Variants in TRAK1 observed in about 807,000 individuals in gnomAD.
The protein encoded by TRAK1 is trafficking kinesin protein 1.
TRAK1 carries 33 observed loss-of-function variants against 92.1 expected under a neutral mutation model. The observed-to-expected ratio is 0.36, with a 90% CI of 0.27 to 0.48. The LOEUF is 0.48. Among genes scored for constraint, TRAK1 ranks in the 20% least tolerant of loss-of-function variants. TRAK1 has a pLI of 0.99. For missense variants in TRAK1, 1,123 were observed against 1,257.9 expected (o/e 0.89, Z 1.62); for synonymous variants, 521 against 517.3 (o/e 1.01, Z -0.10).
At chr3:42,178,179 T>C (rs952318642) in intron 3 of TRAK1, among the ~76,000 whole-genome samples, 11 of 81,698 alleles carry the variant, frequency 1.3e-4, no homozygotes, top group Admixed American at 2.9e-4. Context: ...TCTGTACCTT[T>C]ATTTTTATTC....
chr3:42,206,689 C>G (rs1708370275), intron 13 of TRAK1, among the ~76,000 whole-genome samples: 1 of 152,230 alleles, frequency 6.6e-6, no homozygotes, highest in Non-Finnish European at 1.5e-5. Flanking sequence ...GGTGTTCTTA[C>G]ATCCCAAGGC....
intron 2 of TRAK1, among the ~76,000 whole-genome samples, chr3:42,157,092 C>T (rs1700620730): frequency 6.6e-6 from 1 of 151,028 alleles, no homozygotes; most frequent in South Asian, 2.1e-4. Flanking sequence ...GCGGAGGTTG[C>T]AGCAAGCAGA....
chr3:42,191,712 T>A, intron 7 of TRAK1, 76 bp downstream of exon 7: 2 of 1,484,610 alleles, frequency 1.3e-6, no homozygotes, highest in Non-Finnish European at 1.8e-6. Context: ...TCAGCCTTGC[T>A]AAAGTGCAGT....
chr3:42,104,378 G>A (rs1264464639), intron 1 of TRAK1, among the ~76,000 whole-genome samples: 1 of 152,220 alleles, frequency 6.6e-6, no homozygotes, highest in Non-Finnish European at 1.5e-5. Flanking sequence ...TGAAATCTGA[G>A]AATGGACAGA....
intron 1 of TRAK1, among the ~76,000 whole-genome samples, chr3:42,031,329 G>A (rs926921053): frequency 2.6e-5 from 4 of 151,750 alleles, no homozygotes; most frequent in African/African-American, 9.7e-5. Flanking sequence ...GAGCCACCGT[G>A]CCTGGCCTTG....
chr3:42,210,003 C>G lies in TRAK1; in HGVS notation c.1963+18C>G. ...GACCTCAGGTGAGAGGTCCCAAGCA[C>G]GTGTGACTGTCTCAGGCAGCAGAAG... On this transcript the variant is annotated intron_variant, in intron 14 of 15. Transcript: ENST00000327628. The G allele has an allele frequency of 6.2e-7, 1 of 1,614,162 alleles. No individual in the cohort carries two copies. The highest frequency in any genetic ancestry group is 8.5e-7 in the Non-Finnish European group (1 of 1,180,036).
intron 1 of TRAK1, among the ~76,000 whole-genome samples, chr3:42,100,172 T>C (rs374030659): frequency 6.6e-6 from 1 of 152,148 alleles, no homozygotes; most frequent in South Asian, 2.1e-4. Context: ...CCAGCCACTA[T>C]GAAGGCAACA....
At chr3:42,172,950 A>C (rs1460888387) in intron 2 of TRAK1, among the ~76,000 whole-genome samples, 1 of 152,196 alleles carries the variant, frequency 6.6e-6, no homozygotes, top group East Asian at 1.9e-4. Context: ...GTTCGAGACC[A>C]GCCTGGCCAA....
intron 2 of TRAK1, among the ~76,000 whole-genome samples, chr3:42,130,147 C>T (rs1292320320): frequency 6.6e-6 from 1 of 151,934 alleles, no homozygotes; most frequent in Non-Finnish European, 1.5e-5. Context: ...TTCCCTAATC[C>T]CTGGTGGAAA....
intron 2 of TRAK1, chr3:42,146,161 C>A: frequency 2.7e-6 from 1 of 364,416 alleles, no homozygotes; most frequent in Non-Finnish European, 5.4e-6. Flanking sequence ...CATTTCATCT[C>A]AACAAGGAGG....
chr3:42,090,757 C>G (rs570354263), upstream of TRAK1, among the ~76,000 whole-genome samples: 3 of 152,134 alleles, frequency 2.0e-5, no homozygotes, highest in Non-Finnish European at 4.4e-5. Context: ...ACTTCAAACC[C>G]TATAGGATGT....
chr3:42,102,487 A>G (rs529679279), intron 1 of TRAK1, among the ~76,000 whole-genome samples: 1 of 152,204 alleles, frequency 6.6e-6, no homozygotes, highest in Admixed American at 6.5e-5. Context: ...CTGATGCTGG[A>G]TGTTTTGCTC....
Position 42,202,730 on chromosome 3 carries a change from C to T in TRAK1, c.1722C>T (p.Leu574=), listed in dbSNP as rs907803996. 2.5e-6 allele frequency: 4 copies of T among 1,613,818 alleles called. No individual in the cohort carries two copies. The highest frequency in any genetic ancestry group is 2.2e-5 in the East Asian group (1 of 44,884). Residue 574 remains leucine (L), a synonymous_variant, in exon 13 of 16, where the codon CTC becomes CTT. Transcript: ENST00000327628. This position sits in a 1 kb window ranked among gnomAD's most constrained non-coding sequence, Gnocchi z 6.1. ...GCCGCTCCTACCTGCCTGAGAAGCT[C>T]CAGATCGTGAAGCCGCTGGAAGGTG... ...FSSRSYLPEK[L]QIVKPLEGSA...
intron 14 of TRAK1, chr3:42,210,259 G>A: frequency 6.6e-7 from 1 of 1,522,402 alleles, no homozygotes; most frequent in Non-Finnish European, 8.8e-7. Context: ...TGTGGGTGAT[G>A]ATTAAAGCAT....
At chr3:42,083,583 C>A (rs1382960869), upstream of TRAK1, among the ~76,000 whole-genome samples, 2 of 152,120 alleles carry the variant, frequency 1.3e-5, no homozygotes, top group Admixed American at 1.3e-4. Context: ...ACTTAAATTT[C>A]TGAGGAACTG....
chr3:42,096,609 A>C (rs765699110), intron 1 of TRAK1, among the ~76,000 whole-genome samples: 1 of 152,236 alleles, frequency 6.6e-6, no homozygotes, highest in Non-Finnish European at 1.5e-5. Context: ...TAAAGGAGAA[A>C]CTAAAGAAAA....
chr3:42,047,042 A>G (rs370987099), intron 1 of TRAK1, among the ~76,000 whole-genome samples: 2 of 151,934 alleles, frequency 1.3e-5, no homozygotes, highest in Middle Eastern at 3.2e-3. Flanking sequence ...AATACTTACT[A>G]TTTAAATTCA....
At chr3:42,060,892 A>G (rs564797330) in intron 1 of TRAK1, among the ~76,000 whole-genome samples, 2 of 152,128 alleles carry the variant, frequency 1.3e-5, no homozygotes, top group Admixed American at 1.3e-4. Flanking sequence ...TGGCCGCCTA[A>G]AATGCTGGGA....
chr3:42,190,455 T>C (rs756465522), intron 6 of TRAK1, among the ~76,000 whole-genome samples: 30 of 152,168 alleles, frequency 2.0e-4, no homozygotes, highest in Non-Finnish European at 4.0e-4. Context: ...TAAACCCAGA[T>C]TGACCAAGAA....
Sources: allele counts gnomAD v4.1 joint callset (sites outside exome capture counted in the v4.1 genomes callset), GRCh38; gene constraint gnomAD v4.1.1; non-coding constraint Gnocchi (gnomAD v3.1); transcripts MANE v1.5; gene names NCBI Gene and HGNC (gene_info 2026-07-23, HGNC 2026-07-21).